BCAS1: variants seen among roughly 807,000 people sequenced by gnomAD.
The protein encoded by BCAS1 is brain enriched myelin associated protein 1.
BCAS1 carries 46 observed loss-of-function variants against 65.4 expected under a neutral mutation model. That is an observed-to-expected ratio of 0.70 (90% CI 0.55 to 0.90). The LOEUF is 0.90. BCAS1 is among the 40% of genes least tolerant of loss of function. The probability of loss-of-function intolerance (pLI) is 0.00; values close to 1 mark genes in which losing one functional copy is unlikely to be tolerated. For missense variants in BCAS1, 793 were observed against 771.2 expected, an observed-to-expected ratio of 1.03 and a Z score of -0.33; for synonymous variants, 298 against 293.5, an observed-to-expected ratio of 1.02 and a Z score of -0.16.
chr20:54,033,546 TAGA>T (rs919665289), intron 3 of BCAS1, among the ~76,000 whole-genome samples: 1 of 151,192 alleles, frequency 6.6e-6, no homozygotes, highest in Non-Finnish European at 1.5e-5. Context: ...CTAGAAAATC[TAGA>T]AGAAGTGGAT....
intron 4 of BCAS1, among the ~76,000 whole-genome samples, chr20:54,022,327 A>G (rs1475220337): frequency 6.6e-6 from 1 of 152,184 alleles, no homozygotes; most frequent in Admixed American, 6.5e-5. Flanking sequence ...CAAAGTAAAA[A>G]TGATATATTA....
chr20:54,062,245 T>C (rs1304528453), intron 1 of BCAS1, among the ~76,000 whole-genome samples: 1 of 152,186 alleles, frequency 6.6e-6, no homozygotes, highest in Non-Finnish European at 1.5e-5. Flanking sequence ...TAAAAAATCA[T>C]AGAAATGATA....
intron 1 of BCAS1, among the ~76,000 whole-genome samples, chr20:54,066,972 A>G (rs1288724551): frequency 6.6e-6 from 1 of 152,238 alleles, no homozygotes; most frequent in Non-Finnish European, 1.5e-5. Flanking sequence ...AGTTTTATGA[A>G]ATATTTATAT....
intron 1 of BCAS1, among the ~76,000 whole-genome samples, chr20:54,060,436 C>A (rs2092362321): frequency 6.6e-6 from 1 of 152,066 alleles, no homozygotes; most frequent in African/African-American, 2.4e-5. Flanking sequence ...CCTCAGCCTC[C>A]TGAGTAGCTG....
intron 8 of BCAS1, among the ~76,000 whole-genome samples, chr20:53,985,019 T>G (rs2090575732): frequency 6.6e-6 from 1 of 152,218 alleles, no homozygotes; most frequent in Admixed American, 6.5e-5. Flanking sequence ...CACAACCCTC[T>G]GTCATGAAAT....
At chr20:54,016,166 T>A (rs1394907595) in intron 4 of BCAS1, among the ~76,000 whole-genome samples, 1 of 152,230 alleles carries the variant, frequency 6.6e-6, no homozygotes, top group African/African-American at 2.4e-5. Context: ...TATTTTTATG[T>A]CACCCTCGTT....
At chr20:54,035,256 CG>C (rs1600945661) in intron 3 of BCAS1, among the ~76,000 whole-genome samples, 1 of 150,130 alleles carries the variant, frequency 6.7e-6, no homozygotes, top group East Asian at 1.9e-4. Flanking sequence ...AAAAATTAGC[CG>C]GGTGTGGTGG....
chr20:54,008,042 T>G (rs1192928561), intron 4 of BCAS1, among the ~76,000 whole-genome samples: 1 of 152,156 alleles, frequency 6.6e-6, no homozygotes, highest in African/African-American at 2.4e-5. Flanking sequence ...GAAAGCCTAC[T>G]CTCTCTGACT....
chr20:54,058,596 T>A, intron 2 of BCAS1, 51 bp downstream of exon 2: 1 of 1,236,350 alleles, frequency 8.1e-7, no homozygotes, highest in Non-Finnish European at 1.1e-6. Context: ...GGAAGTTCTT[T>A]TTTTTTTTTT....
chr20:54,061,978 G>A (rs1485722232), intron 1 of BCAS1, among the ~76,000 whole-genome samples: 1 of 152,164 alleles, frequency 6.6e-6, no homozygotes, highest in East Asian at 1.9e-4. Flanking sequence ...AAAAAAATTA[G>A]AAGAATCATA....
At chr20:54,023,287 A>T (rs2091600917) in intron 4 of BCAS1, among the ~76,000 whole-genome samples, 1 of 152,178 alleles carries the variant, frequency 6.6e-6, no homozygotes, top group African/African-American at 2.4e-5. Flanking sequence ...ACTATTTAAG[A>T]CTATGGGCTT....
intron 4 of BCAS1, among the ~76,000 whole-genome samples, chr20:54,005,883 G>A (rs2091175009): frequency 6.6e-6 from 1 of 152,186 alleles, no homozygotes; most frequent in Admixed American, 6.5e-5. Context: ...GGTGGGGATG[G>A]GTTTGGGGAG....
At chr20:54,031,269 A>C (rs290456) in intron 3 of BCAS1, among the ~76,000 whole-genome samples, 50,021 of 151,146 alleles carry the variant, frequency 0.33, 9,812 homozygotes, top group South Asian at 0.43. Context: ...AAAAGAATAA[A>C]TTCCTTACAT....
intron 3 of BCAS1, among the ~76,000 whole-genome samples, chr20:54,044,774 G>A (rs1037386707): frequency 6.6e-6 from 1 of 151,398 alleles, no homozygotes. Flanking sequence ...GGAGGCGGAG[G>A]TTGCAGTGAG....
chr20:53,950,216 A>T (rs1461014327), intron 12 of BCAS1, among the ~76,000 whole-genome samples: 2 of 150,856 alleles, frequency 1.3e-5, no homozygotes, highest in Non-Finnish European at 1.5e-5. Flanking sequence ...CCCCTACCCT[A>T]CCTCTCCACC....
At position 53,995,755 on chromosome 20, in the gene BCAS1, G is replaced by T. The variant is rs1315515432; in HGVS notation, c.882+137C>A. The T allele has an allele frequency of 5.0e-6, 5 of 998,964 alleles. No homozygotes were observed. The African/African-American group carries it at 8.2e-5, about 16-fold the overall frequency. 61.9% of individuals were successfully genotyped at this position (998,964 alleles called of 1,614,324 possible). A position where few individuals can be genotyped will look rare whatever the true frequency, so the allele number is the denominator to read the frequency against. ...ACAACTTTCTTATGAAGCATATCTT[G>T]TCCCTGTTCTCTCCCATGCTCCAAC... On this transcript the variant is annotated intron_variant, in intron 5 of 12. Transcript: ENST00000688948.
chr20:53,950,031 C>G (rs1339267416), intron 12 of BCAS1, among the ~76,000 whole-genome samples: 1 of 152,196 alleles, frequency 6.6e-6, no homozygotes, highest in Non-Finnish European at 1.5e-5. Flanking sequence ...CATTCTCCAC[C>G]ACAGCAGCAA....
At chr20:54,021,447 T>C (rs1433048034) in intron 4 of BCAS1, among the ~76,000 whole-genome samples, 1 of 105,174 alleles carries the variant, frequency 9.5e-6, no homozygotes, top group Admixed American at 9.4e-5. Context: ...TCATGGTGTA[T>C]ATGTACCACA....
In BCAS1 at chr20:53,995,041, C is replaced by G; in HGVS notation, c.898G>C (p.Ala300Pro). The G allele has an allele frequency of 6.2e-7, 1 of 1,613,330 alleles. No homozygotes were observed. Among genetic ancestry groups the G allele is most frequent in the Non-Finnish European group, 8.5e-7 (1 of 1,179,616 alleles). Reference sequence around the variant, plus strand: ...TCTTCTGGGTCCTTTTTTGTTTCAGCTTTGTTAGGTGAAACCTTAAAAGTT... The same window carrying G: ...TCTTCTGGGTCCTTTTTTGTTTCAGGTTTGTTAGGTGAAACCTTAAAAGTT... ...FFKTLVSPNKAETKKDPEDTA... is the reference protein window; with the variant it reads ...FFKTLVSPNKPETKKDPEDTA... Residue 300 changes from alanine (A) to proline (P), a missense_variant, in exon 6 of 13, where the codon GCT becomes CCT. Ala to Pro is a conservative substitution (Grantham distance 27, BLOSUM62 -1). Transcript: ENST00000688948.
Sources: allele counts gnomAD v4.1 joint callset (sites outside exome capture counted in the v4.1 genomes callset), GRCh38; gene constraint gnomAD v4.1.1; transcripts MANE v1.5; gene names NCBI Gene and HGNC (gene_info 2026-07-23, HGNC 2026-07-21).